The following NBEA variants were observed in gnomAD, a reference collection of about 807,000 sequenced individuals.
NBEA encodes the protein neurobeachin.
NBEA carries 44 observed loss-of-function variants against 343.4 expected under a neutral mutation model. The observed-to-expected ratio is 0.13, with a 90% CI of 0.10 to 0.16. The LOEUF is 0.16. Among genes scored for constraint, NBEA ranks in the 10% least tolerant of loss-of-function variants. The pLI is 1.00. For missense variants in NBEA, 2,555 were observed against 3,631.3 expected (o/e 0.70, Z 7.62); for synonymous variants, 1,175 against 1,238.7 (o/e 0.95, Z 1.08).
At chr13:35,040,077 T>C (rs2062593931) in intron 1 of NBEA, among the ~76,000 whole-genome samples, 1 of 152,192 alleles carries the variant, frequency 6.6e-6, no homozygotes, top group South Asian at 2.1e-4. Context: ...AGACGTTGTA[T>C]ATGATTATTA....
At chr13:35,413,806 C>A (rs1487409420) in intron 38 of NBEA, among the ~76,000 whole-genome samples, 1 of 151,988 alleles carries the variant, frequency 6.6e-6, no homozygotes, top group African/African-American at 2.4e-5. Context: ...ACATATGATG[C>A]TCAATGTTTC....
chr13:35,346,808 T>C (rs1398434153), intron 36 of NBEA, among the ~76,000 whole-genome samples: 3 of 152,136 alleles, frequency 2.0e-5, no homozygotes, highest in Non-Finnish European at 2.9e-5. Context: ...ACCTAAATCT[T>C]ATCAAGGAGT....
chr13:35,287,558 A>G (rs1240247312), intron 34 of NBEA, among the ~76,000 whole-genome samples: 1 of 152,000 alleles, frequency 6.6e-6, no homozygotes, highest in African/African-American at 2.4e-5. Flanking sequence ...GGTTTTTTTC[A>G]GATTTTCTCT....
chr13:35,449,648 A>C (rs538469425), intron 39 of NBEA, among the ~76,000 whole-genome samples: 1 of 152,192 alleles, frequency 6.6e-6, no homozygotes, highest in Non-Finnish European at 1.5e-5. Flanking sequence ...CCCTCAGAAG[A>C]TTACTCTTGG....
intron 51 of NBEA, among the ~76,000 whole-genome samples, chr13:35,648,536 C>A (rs2084358850): frequency 6.6e-6 from 1 of 152,046 alleles, no homozygotes; most frequent in Non-Finnish European, 1.5e-5. Flanking sequence ...AGTCAGAATT[C>A]ATTACTTTCC....
chr13:35,570,989 G>C (rs186870430), intron 45 of NBEA, among the ~76,000 whole-genome samples: 1 of 152,170 alleles, frequency 6.6e-6, no homozygotes, highest in Admixed American at 6.5e-5. Flanking sequence ...CTCTTCAGAA[G>C]CTCAAGGAAA....
chr13:35,412,494 A>G (rs2152917906), intron 38 of NBEA, among the ~76,000 whole-genome samples: 1 of 152,130 alleles, frequency 6.6e-6, no homozygotes, highest in East Asian at 1.9e-4. Context: ...TTTAACTATA[A>G]GTTTGTTTTT....
Position 35,047,612 on chromosome 13 carries a change from A to G in NBEA, c.724-951A>G, listed in dbSNP as rs184852959. On this transcript the variant is annotated intron_variant, in intron 4 of 58. Transcript: ENST00000379939. ...TAAAAGAACTAGTGGAATAGCTGGT[A>G]TATTTAGATGTACTTTGGAATGTGG... Among the ~76,000 whole-genome samples, 640 of 152,010 alleles carry G rather than the reference A, an allele frequency of 4.2e-3. 1 individual carries two copies. The highest frequency in any genetic ancestry group is 5.8e-3 in the Non-Finnish European group (391 of 67,870).
At chr13:35,214,442 G>A (rs2073954746) in intron 33 of NBEA, among the ~76,000 whole-genome samples, 1 of 151,694 alleles carries the variant, frequency 6.6e-6, no homozygotes, top group Non-Finnish European at 1.5e-5. Context: ...TAATGGGTGG[G>A]TAACCATATC....
intron 47 of NBEA, among the ~76,000 whole-genome samples, chr13:35,599,788 A>G (rs182098339): frequency 6.6e-6 from 1 of 152,232 alleles, no homozygotes; most frequent in African/African-American, 2.4e-5. Flanking sequence ...ATAGCCATCT[A>G]TGAGAAAACT....
At chr13:35,093,204 A>G (rs2065172557) in intron 10 of NBEA, among the ~76,000 whole-genome samples, 1 of 151,980 alleles carries the variant, frequency 6.6e-6, no homozygotes, top group Admixed American at 6.6e-5. Flanking sequence ...ATAAAGCTGA[A>G]AAGTGATAGC....
chr13:35,209,392 A>T (rs936460216), intron 32 of NBEA, among the ~76,000 whole-genome samples: 34 of 152,182 alleles, frequency 2.2e-4, no homozygotes, highest in Non-Finnish European at 7.3e-5. Context: ...GAATTAATTC[A>T]TATACATAGA....
chr13:35,250,609 T>C (rs1184846924), intron 34 of NBEA, among the ~76,000 whole-genome samples: 1 of 152,212 alleles, frequency 6.6e-6, no homozygotes, highest in Admixed American at 6.5e-5. Flanking sequence ...TGCATTATCA[T>C]GTAAAGTTGA....
intron 34 of NBEA, among the ~76,000 whole-genome samples, chr13:35,245,830 A>G (rs1014490952): frequency 1.3e-5 from 2 of 152,136 alleles, no homozygotes; most frequent in African/African-American, 4.8e-5. Flanking sequence ...GGATGTCTAG[A>G]TCTGTACCGA....
intron 41 of NBEA, among the ~76,000 whole-genome samples, chr13:35,543,029 G>A (rs2078906521): frequency 6.6e-6 from 1 of 151,878 alleles, no homozygotes; most frequent in Non-Finnish European, 1.5e-5. Flanking sequence ...ACTGATTAAA[G>A]CTTTAGTTTT....
intron 10 of NBEA, among the ~76,000 whole-genome samples, chr13:35,092,465 T>G (rs192582400): frequency 6.6e-6 from 1 of 152,028 alleles, no homozygotes; most frequent in Admixed American, 6.6e-5. Flanking sequence ...GCAAATTGCT[T>G]ATTTGACAAA....
chr13:35,333,646 A>T (rs975232862), intron 36 of NBEA, among the ~76,000 whole-genome samples: 2 of 151,940 alleles, frequency 1.3e-5, no homozygotes, highest in Non-Finnish European at 2.9e-5. Context: ...ATTCTTTCTA[A>T]TTAATTTTTT....
intron 41 of NBEA, among the ~76,000 whole-genome samples, chr13:35,517,834 T>G (rs1044915231): frequency 1.3e-5 from 2 of 152,232 alleles, no homozygotes; most frequent in African/African-American, 4.8e-5. Context: ...AACCATTGTA[T>G]CTTATACACA....
In NBEA at chr13:34,995,072, G is replaced by A. The variant is rs148263437; in HGVS notation, c.295-45861G>A. ...AGGTTCTCTCTGCCCCGACCTTCTG[G>A]CAAGGGGAATAGAGTTAGCTCAGGA... On this transcript the variant is annotated intron_variant, in intron 1 of 58. Coordinates refer to ENST00000379939, the MANE Select transcript of NBEA (RefSeq NM_001385012.1). 9.4e-4 allele frequency among the ~76,000 whole-genome samples: 143 copies of A among 152,266 alleles called. 1 individual carries two copies. Among genetic ancestry groups the A allele is most frequent in the African/African-American group, 3.2e-3 (135 of 41,554 alleles).
Sources: allele counts gnomAD v4.1 joint callset (sites outside exome capture counted in the v4.1 genomes callset), GRCh38; gene constraint gnomAD v4.1.1; transcripts MANE v1.5; gene names NCBI Gene and HGNC (gene_info 2026-07-23, HGNC 2026-07-21).